Variants in PDCD6IP observed in about 807,000 individuals in gnomAD.
The protein encoded by PDCD6IP is programmed cell death 6 interacting protein.
In PDCD6IP, 43 loss-of-function variants were observed where a neutral mutation model predicts 103.7. The ratio of observed to expected loss-of-function variants is 0.41; its 90% CI spans 0.32 to 0.53. The LOEUF (loss-of-function observed/expected upper bound fraction) is 0.53, where lower values mean the gene tolerates loss of function less well. Among genes scored for constraint, PDCD6IP ranks in the 20% least tolerant of loss-of-function variants. The pLI is 0.16. For missense variants in PDCD6IP, 871 were observed against 1,036.7 expected (o/e 0.84, Z 2.20); for synonymous variants, 354 against 378.7 (o/e 0.93, Z 0.76).
chr3:33,844,502 A>G (rs1697547140), intron 11 of PDCD6IP, among the ~76,000 whole-genome samples: 1 of 152,130 alleles, frequency 6.6e-6, no homozygotes, highest in African/African-American at 2.4e-5. Context: ...TTTTTTTGAG[A>G]CAAGGTCTCG....
At chr3:33,865,140 G>T in intron 16 of PDCD6IP, 103 bp from the exon 17 acceptor site, 3 of 674,880 alleles carry the variant, frequency 4.4e-6, no homozygotes, top group Non-Finnish European at 7.0e-6. Context: ...AAATATATTT[G>T]GTTGGATTCT....
At chr3:33,826,798 A>T (rs1258947921) in intron 6 of PDCD6IP, 1 of 1,301,760 alleles carries the variant, frequency 7.7e-7, no homozygotes, top group African/African-American at 1.5e-5. Context: ...CTTTTACTAA[A>T]CTTGTTTTTC....
intron 10 of PDCD6IP, 88 bp downstream of exon 10, chr3:33,842,162 T>C (rs1251132484): frequency 2.4e-6 from 2 of 834,158 alleles, no homozygotes; most frequent in Non-Finnish European, 3.9e-6. Flanking sequence ...TTCCTCATGC[T>C]AGTACAGTGT....
chr3:33,830,391 A>T (rs1459894263), intron 7 of PDCD6IP, among the ~76,000 whole-genome samples: 1 of 152,204 alleles, frequency 6.6e-6, no homozygotes, highest in Admixed American at 6.5e-5. Flanking sequence ...ATTAGATTTA[A>T]GTAAGCCCAT....
intron 1 of PDCD6IP, among the ~76,000 whole-genome samples, chr3:33,803,021 T>C (rs1302863413): frequency 4.6e-5 from 7 of 152,358 alleles, no homozygotes; most frequent in Non-Finnish European, 7.3e-5. Flanking sequence ...GGCTTTCTCT[T>C]TTTCATTCAC....
At chr3:33,802,962 T>C (rs1468487796) in intron 1 of PDCD6IP, among the ~76,000 whole-genome samples, 1 of 152,234 alleles carries the variant, frequency 6.6e-6, no homozygotes. Context: ...TTCTCTGGCA[T>C]GATTTGGCTT....
At chr3:33,811,021 G>A in intron 1 of PDCD6IP, 1 of 380,078 alleles carries the variant, frequency 2.6e-6, no homozygotes, top group Non-Finnish European at 5.3e-6. Context: ...GAGTAGCTGG[G>A]ACCACAGGTG....
At chr3:33,813,769 T>C in intron 3 of PDCD6IP, 141 bp downstream of exon 3, 1 of 621,472 alleles carries the variant, frequency 1.6e-6, no homozygotes, top group Non-Finnish European at 2.9e-6. Flanking sequence ...CTTCAACTTT[T>C]AATGCAATTT....
chr3:33,827,751 A>C (rs1697160588), intron 6 of PDCD6IP: 1 of 152,192 alleles, frequency 6.6e-6, no homozygotes, highest in Non-Finnish European at 1.5e-5. Flanking sequence ...TATTCCTTGA[A>C]AATCTCCTGT....
Position 33,858,445 on chromosome 3 carries a change from C to T in PDCD6IP, c.2120+3185C>T, listed in dbSNP as rs1334253977. Among the ~76,000 whole-genome samples the T allele has an allele frequency of 2.6e-5, 4 of 152,086 alleles. No homozygotes were observed. In the East Asian group the frequency reaches 7.7e-4, roughly 29 times the overall value. On this transcript the variant is annotated intron_variant, in intron 15 of 17. Coordinates refer to ENST00000307296, the MANE Select transcript of PDCD6IP (RefSeq NM_013374.6). The stretch of plus-strand genomic sequence containing the variant: ...AGGTTGTAGTGCGCTATGATTGTAC[C>T]GTAAATAGCCACTGTACTCCAGTCT...
chr3:33,868,679 G>T lies in PDCD6IP; in HGVS notation c.*2154G>T, dbSNP rs1175795023. 3 of 152,168 alleles carry T rather than the reference G, an allele frequency of 2.0e-5. No individual in the cohort carries two copies. Among genetic ancestry groups the T allele is most frequent in the Non-Finnish European group, 4.4e-5 (3 of 68,042 alleles). The allele number at this position is 152,168 out of a possible 1,614,324, so 9.4% of individuals were successfully genotyped here. A position where few individuals can be genotyped will look rare whatever the true frequency, so the allele number is the denominator to read the frequency against. Reference sequence around the variant, plus strand: ...TCATACTGTTGGTTTGGAGTTGGAAGGGTACTACTCTGTGATTCAGGTGTG... The same window carrying T: ...TCATACTGTTGGTTTGGAGTTGGAATGGTACTACTCTGTGATTCAGGTGTG... On this transcript the variant is annotated 3_prime_UTR_variant, in exon 18 of 18. Coordinates refer to ENST00000307296, the MANE Select transcript of PDCD6IP (RefSeq NM_013374.6).
Position 33,840,336 on chromosome 3 carries a change from G to T in PDCD6IP, c.1182-1561G>T, listed in dbSNP as rs547228731. Among the ~76,000 whole-genome samples the T allele has an allele frequency of 2.5e-3, 385 of 152,336 alleles. 1 individual carries two copies. Among genetic ancestry groups the T allele is most frequent in the Non-Finnish European group, 4.2e-3 (287 of 68,022 alleles). On this transcript the variant is annotated intron_variant, in intron 9 of 17. Transcript: ENST00000307296. ...TCAAGTTTGAGTAGGCTGAGGAAGA[G>T]GCGGAAGGAGGGTTGGTCTTGCTGT... is the stretch of plus-strand genomic sequence containing the variant.
At chr3:33,837,302 A>G (rs1010827882) in intron 8 of PDCD6IP, among the ~76,000 whole-genome samples, 1 of 152,238 alleles carries the variant, frequency 6.6e-6, no homozygotes, top group African/African-American at 2.4e-5. Flanking sequence ...TATACAACAG[A>G]TGGTAGCCTC....
chr3:33,799,021 C>T lies in PDCD6IP; in HGVS notation c.209+84C>T, dbSNP rs529986014. 93 of 1,278,336 alleles carry T rather than the reference C, an allele frequency of 7.3e-5. 1 individual carries two copies. The African/African-American group carries it at 1.2e-3, about 16-fold the overall frequency. 79.2% of individuals were successfully genotyped at this position (1,278,336 alleles called of 1,614,324 possible). On this transcript the variant is annotated intron_variant, in intron 1 of 17. Coordinates refer to ENST00000307296, the MANE Select transcript of PDCD6IP (RefSeq NM_013374.6). ...TCCCGTCTCCCCCCTTCCTTCAATCCTGTAACCTGGGCGGAGCCGCCCCGT... is the reference window on the plus strand; with the variant it reads ...TCCCGTCTCCCCCCTTCCTTCAATCTTGTAACCTGGGCGGAGCCGCCCCGT...
At chr3:33,799,006 C>G in intron 1 of PDCD6IP, 69 bp downstream of exon 1, 4 of 1,347,110 alleles carry the variant, frequency 3.0e-6, no homozygotes, top group Non-Finnish European at 4.0e-6. Flanking sequence ...TCCCGTCTCC[C>G]CCCTTCCTTC....
chr3:33,839,407 A>G (rs1267297897), intron 9 of PDCD6IP, among the ~76,000 whole-genome samples: 1 of 152,064 alleles, frequency 6.6e-6, no homozygotes, highest in Non-Finnish European at 1.5e-5. Context: ...CATCTATATT[A>G]TGTGTATCAG....
At chr3:33,853,039 T>G (rs1697754550) in intron 13 of PDCD6IP, among the ~76,000 whole-genome samples, 1 of 151,978 alleles carries the variant, frequency 6.6e-6, no homozygotes, top group East Asian at 1.9e-4. Context: ...TTCTCCCGCT[T>G]CAGCCTCCCG....
At chr3:33,822,201 C>A in intron 4 of PDCD6IP, 119 bp downstream of exon 4, 1 of 1,015,384 alleles carries the variant, frequency 9.8e-7, no homozygotes, top group Non-Finnish European at 1.5e-6. Context: ...AAAACGAATG[C>A]ACTTTTAAAA....
intron 3 of PDCD6IP, 52 bp from the exon 4 acceptor site, chr3:33,821,903 T>C: frequency 6.5e-7 from 1 of 1,543,102 alleles, no homozygotes; most frequent in Non-Finnish European, 8.8e-7. Flanking sequence ...GAAACATTTG[T>C]TTTCTTTAGA....
Sources: allele counts gnomAD v4.1 joint callset (sites outside exome capture counted in the v4.1 genomes callset), GRCh38; gene constraint gnomAD v4.1.1; transcripts MANE v1.5; gene names NCBI Gene and HGNC (gene_info 2026-07-23, HGNC 2026-07-21).